Variants in KHDRBS2 observed in about 807,000 individuals in gnomAD.
KHDRBS2 encodes KH domain-containing, RNA-binding, signal transduction-associated protein 2.
In KHDRBS2, 26 loss-of-function variants were observed where a neutral mutation model predicts 44.3. That is an observed-to-expected ratio of 0.59 (90% confidence interval 0.43 to 0.81). The LOEUF is 0.81. Ranked by LOEUF, KHDRBS2 falls within the 40% of genes least tolerant of loss-of-function variation. The pLI is 0.00. For synonymous variants in KHDRBS2, 194 were observed against 151.1 expected, an observed-to-expected ratio of 1.28 and a Z score of -2.08; for missense variants, 476 against 433.1, an observed-to-expected ratio of 1.10 and a Z score of -0.88.
At chr6:61,866,422 G>A (rs1273034975) in intron 6 of KHDRBS2, among the ~76,000 whole-genome samples, 1 of 152,176 alleles carries the variant, frequency 6.6e-6, no homozygotes, top group Non-Finnish European at 1.5e-5. Flanking sequence ...TCGGATGCAG[G>A]GCACCAAGTC....
chr6:61,568,538 C>A, the KHDRBS2 span, among the ~76,000 whole-genome samples: 1 of 152,124 alleles, frequency 6.6e-6, no homozygotes, highest in Non-Finnish European at 1.5e-5. Flanking sequence ...AATCACAGAT[C>A]CTTTGAATGT....
intron 2 of KHDRBS2, among the ~76,000 whole-genome samples, chr6:62,103,437 C>T (rs1199620459): frequency 2.0e-5 from 3 of 152,214 alleles, no homozygotes; most frequent in African/African-American, 7.2e-5. Flanking sequence ...TGCCACAGTG[C>T]CTGGGCTTGG....
chr6:61,774,444 A>G (rs1270978432), intron 6 of KHDRBS2, among the ~76,000 whole-genome samples: 1 of 152,158 alleles, frequency 6.6e-6, no homozygotes. Context: ...CAACTTCAGC[A>G]AAGTCTCAGG....
At chr6:61,952,593 T>C (rs1764996881) in intron 4 of KHDRBS2, among the ~76,000 whole-genome samples, 1 of 152,046 alleles carries the variant, frequency 6.6e-6, no homozygotes, top group Non-Finnish European at 1.5e-5. Context: ...AAACCTAACA[T>C]AAGCTCATGG....
At chr6:61,554,999 T>C in the KHDRBS2 span, among the ~76,000 whole-genome samples, 5 of 152,270 alleles carry the variant, frequency 3.3e-5, no homozygotes, top group African/African-American at 1.2e-4. Flanking sequence ...GAGGTGGTCT[T>C]CTTGTTTCAC....
intron 3 of KHDRBS2, among the ~76,000 whole-genome samples, chr6:62,017,908 A>G (rs1781502856): frequency 6.6e-6 from 1 of 151,994 alleles, no homozygotes. Flanking sequence ...AATTTGCTTC[A>G]ATTTTTCATA....
intron 1 of KHDRBS2, among the ~76,000 whole-genome samples, chr6:62,234,424 A>AG (rs1323497373): frequency 4.6e-5 from 7 of 152,250 alleles, no homozygotes; most frequent in Middle Eastern, 3.4e-3. Flanking sequence ...AAATACTTAG[A>AG]GAACTTTTTA....
chr6:62,019,936 C>A, intron 3 of KHDRBS2, among the ~76,000 whole-genome samples: 1 of 151,338 alleles, frequency 6.6e-6, no homozygotes, highest in South Asian at 2.1e-4. Flanking sequence ...TCAATCTGAT[C>A]TTTATTATTT....
the KHDRBS2 span, among the ~76,000 whole-genome samples, chr6:61,589,844 ATC>A: frequency 6.6e-6 from 1 of 152,180 alleles, no homozygotes; most frequent in South Asian, 2.1e-4. Flanking sequence ...ACTATAAATA[ATC>A]TCTCCCACAT....
At chr6:61,808,627 A>G (rs1743455) in intron 6 of KHDRBS2, among the ~76,000 whole-genome samples, 42,886 of 151,882 alleles carry the variant, frequency 0.28, 6,249 homozygotes, top group South Asian at 0.36. Flanking sequence ...ATAAAACATC[A>G]AAAAATAGAT....
intron 6 of KHDRBS2, among the ~76,000 whole-genome samples, chr6:61,838,832 C>T (rs1253985802): frequency 2.0e-5 from 3 of 152,038 alleles, no homozygotes; most frequent in Admixed American, 2.0e-4. Context: ...TTAGGGTGAT[C>T]TTCTACAATC....
intron 4 of KHDRBS2, among the ~76,000 whole-genome samples, chr6:61,902,115 G>A (rs1169595326): frequency 6.6e-6 from 1 of 151,946 alleles, no homozygotes; most frequent in Non-Finnish European, 1.5e-5. Flanking sequence ...CACCATGCCC[G>A]GCTAATTTTT....
the KHDRBS2 span, among the ~76,000 whole-genome samples, chr6:61,569,412 G>C: frequency 6.6e-6 from 1 of 152,118 alleles, no homozygotes; most frequent in African/African-American, 2.4e-5. Flanking sequence ...AGCAAGCTTA[G>C]ATCCCCCTAT....
intron 2 of KHDRBS2, among the ~76,000 whole-genome samples, chr6:62,138,755 C>A (rs544648892): frequency 6.6e-6 from 1 of 152,160 alleles, no homozygotes; most frequent in South Asian, 2.1e-4. Context: ...ATAGATTAAT[C>A]CTCAAGAAAA....
At chr6:61,598,308 T>C in the KHDRBS2 span, among the ~76,000 whole-genome samples, 2 of 145,960 alleles carry the variant, frequency 1.4e-5, no homozygotes, top group African/African-American at 4.9e-5. Context: ...CAAGCATATG[T>C]GAGACTGATA....
intron 2 of KHDRBS2, among the ~76,000 whole-genome samples, chr6:62,101,077 A>G (rs1801775832): frequency 6.6e-6 from 1 of 152,220 alleles, no homozygotes; most frequent in Non-Finnish European, 1.5e-5. Flanking sequence ...ATTATAGCTC[A>G]TTCATAATGT....
the KHDRBS2 span, among the ~76,000 whole-genome samples, chr6:61,560,617 A>G: frequency 6.6e-6 from 1 of 152,096 alleles, no homozygotes; most frequent in Admixed American, 6.6e-5. Flanking sequence ...ATTCTTCAGT[A>G]TTCCAATTGC....
intron 2 of KHDRBS2, among the ~76,000 whole-genome samples, chr6:62,131,595 T>C (rs1456650008): frequency 2.0e-5 from 3 of 152,142 alleles, no homozygotes; most frequent in African/African-American, 7.2e-5. Context: ...TCTAAGGGAA[T>C]TTCACAGGGA....
At chr6:61,948,217 C>CA (rs1341653536) in intron 4 of KHDRBS2, among the ~76,000 whole-genome samples, 1 of 151,874 alleles carries the variant, frequency 6.6e-6, no homozygotes, top group Non-Finnish European at 1.5e-5. Context: ...AAAATCAGAA[C>CA]ATTTGTACAG....
Sources: allele counts gnomAD v4.1 joint callset (sites outside exome capture counted in the v4.1 genomes callset), GRCh38; gene constraint gnomAD v4.1.1; transcripts MANE v1.5; gene names NCBI Gene and HGNC (gene_info 2026-07-23, HGNC 2026-07-21).